PLK5: variants seen among roughly 807,000 people sequenced by gnomAD.
PLK5 encodes polo like kinase 5 (inactive), also known as inactive serine/threonine-protein kinase PLK5.
In PLK5, 28 loss-of-function variants were observed where a neutral mutation model predicts 33.7. That is an observed-to-expected ratio of 0.83 (90% CI 0.62 to 1.14). The LOEUF (loss-of-function observed/expected upper bound fraction) is 1.14, where lower values mean the gene tolerates loss of function less well. PLK5 is among the 50% of genes most tolerant of loss of function. The pLI, the probability that PLK5 is intolerant of heterozygous loss-of-function variation, is 0.00. For synonymous variants in PLK5, 225 were observed against 202.2 expected, an observed-to-expected ratio of 1.11 and a Z score of -0.96; for missense variants, 492 against 461.5, an observed-to-expected ratio of 1.07 and a Z score of -0.61.
intron 13 of PLK5, among the ~76,000 whole-genome samples, chr19:1,534,692 C>T (rs1471594707): frequency 6.6e-6 from 1 of 150,522 alleles, no homozygotes; most frequent in Admixed American, 6.6e-5. Flanking sequence ...TGGCGGGCGC[C>T]TGTAGTCCCA....
intron 3 of PLK5, among the ~76,000 whole-genome samples, 173 bp from the exon 4 acceptor site, chr19:1,526,313 C>A (rs928123085): frequency 6.6e-6 from 1 of 151,634 alleles, no homozygotes. Flanking sequence ...TCGTGCCCCC[C>A]CTCAGTGGCC....
chr19:1,535,339 TC>T lies in PLK5; in HGVS notation c.*91del. ...TCCTGTGGCTCCCCCAGAGGGGCTG[TC>T]CTGGGGGAGGGCTGGGGGGCACACG... On this transcript the variant is annotated 3_prime_UTR_variant, in exon 14 of 14. Coordinates refer to ENST00000454744, the MANE Select transcript of PLK5 (RefSeq NM_001243079.2). 1 of 1,399,796 alleles carries T rather than the reference TC, an allele frequency of 7.1e-7. No homozygotes were observed. The highest frequency in any genetic ancestry group is 9.5e-7 in the Non-Finnish European group (1 of 1,050,620). The allele number at this position is 1,399,796 out of a possible 1,614,324, so 86.7% of individuals were successfully genotyped here.
intron 9 of PLK5, 143 bp downstream of exon 9, chr19:1,529,117 C>T (rs942569347): frequency 2.9e-5 from 21 of 728,510 alleles, no homozygotes; most frequent in African/African-American, 1.4e-4. Flanking sequence ...CCCGTCCTGA[C>T]GCATCAGAGC....
intron 9 of PLK5, 103 bp from the exon 10 acceptor site, chr19:1,529,303 G>T (rs965350846): frequency 1.9e-6 from 2 of 1,045,298 alleles, no homozygotes; most frequent in East Asian, 5.2e-5. Context: ...TCTGTGTGCA[G>T]AGCACGGAGG....
At chr19:1,529,935 G>A (rs1568253675) in intron 11 of PLK5, 111 bp downstream of exon 11, 11 of 1,146,626 alleles carry the variant, frequency 9.6e-6, no homozygotes, top group Admixed American at 5.0e-5. Flanking sequence ...AGGAGTAGGG[G>A]TGAGGGAGGC....
intron 11 of PLK5, 96 bp from the exon 12 acceptor site, chr19:1,531,642 G>A (rs1599306539): frequency 7.0e-7 from 1 of 1,419,470 alleles, no homozygotes; most frequent in South Asian, 1.4e-5. Context: ...CCGTGGGAAG[G>A]GTCTCACCCA....
intron 13 of PLK5, 113 bp downstream of exon 13, chr19:1,534,154 G>T: frequency 2.2e-6 from 1 of 462,072 alleles, no homozygotes; most frequent in Non-Finnish European, 3.4e-6. Flanking sequence ...TTGCCTCCCA[G>T]GAAAAAAAAA....
At chr19:1,526,265 G>A (rs10411643) in intron 3 of PLK5, among the ~76,000 whole-genome samples, 8,279 of 151,730 alleles carry the variant, frequency 0.055, 724 homozygotes, top group African/African-American at 0.19. Context: ...TGCCAGGTGC[G>A]GGGCCGGGGC....
chr19:1,534,155 GAA>G (rs34242824), intron 13 of PLK5, 114 bp downstream of exon 13: 24,916 of 513,504 alleles, frequency 0.049, 29 homozygotes, highest in East Asian at 0.13. Flanking sequence ...TGCCTCCCAG[GAA>G]AAAAAAAAAA....
intron 12 of PLK5, among the ~76,000 whole-genome samples, chr19:1,532,172 G>A (rs1281494144): frequency 3.3e-5 from 5 of 152,144 alleles, no homozygotes; most frequent in African/African-American, 1.2e-4. Context: ...GCTTTGGGAG[G>A]CCAAGGCAGG....
rs79551414 is a variant in PLK5, at chr19:1,524,466, G to C, written c.-544+220G>C. 1.3e-5 allele frequency among the ~76,000 whole-genome samples: 2 copies of C among 152,094 alleles called. No homozygotes were observed. The highest frequency in any genetic ancestry group is 6.5e-5 in the Admixed American group (1 of 15,280). On this transcript the variant is annotated intron_variant, in intron 1 of 13. Coordinates refer to ENST00000454744, the MANE Select transcript of PLK5 (RefSeq NM_001243079.2). The surrounding 1 kb of genome is among the most constrained non-coding windows in gnomAD (Gnocchi z 4.5). ...CGTCGTGTCCGTGGGTTGCGTGTCC[G>C]GGGTGTGGGCGTGCGGCTCGGCCTC... is the stretch of plus-strand genomic sequence containing the variant.
chr19:1,529,270 C>T (rs1913852462), intron 9 of PLK5, 136 bp from the exon 10 acceptor site: 1 of 768,390 alleles, frequency 1.3e-6, no homozygotes, highest in Non-Finnish European at 2.1e-6. Flanking sequence ...TCCGAGGCTG[C>T]CTCCCAAGGG....
rs1448461062 is a variant in PLK5, at chr19:1,524,173, G to T, written c.-617G>T. 2 of 150,598 alleles carry T rather than the reference G, an allele frequency of 1.3e-5. No individual in the cohort carries two copies. The highest frequency in any genetic ancestry group is 4.8e-5 in the African/African-American group (2 of 41,282). The allele number at this position is 150,598 out of a possible 1,614,324, so 9.3% of individuals were successfully genotyped here. On this transcript the variant is annotated 5_prime_UTR_variant, in exon 1 of 14. Coordinates refer to ENST00000454744, the MANE Select transcript of PLK5 (RefSeq NM_001243079.2). The surrounding 1 kb of genome is among the most constrained non-coding windows in gnomAD (Gnocchi z 4.5). Reference sequence around the variant, plus strand: ...CGGCCGCGGCGGCGGCGCAGGAGTCGCCCCCTGGTCGCCGCCTTCCTGCGA... The same window carrying T: ...CGGCCGCGGCGGCGGCGCAGGAGTCTCCCCCTGGTCGCCGCCTTCCTGCGA...
intron 12 of PLK5, 89 bp from the exon 13 acceptor site, chr19:1,533,842 G>T: frequency 1.9e-6 from 2 of 1,078,756 alleles, no homozygotes; most frequent in Non-Finnish European, 2.7e-6. Context: ...GGCGGCGGCT[G>T]CGGGAGGTGA....
At position 1,529,532 on chromosome 19, in the gene PLK5, G is replaced by C. The variant is rs1459965187; in HGVS notation, c.490+42G>C. ...CCCAGCCCGGGGCTGCAGGTGGGGA[G>C]GGAGGAATTACAAGTGACAGGGGGA... On this transcript the variant is annotated intron_variant, in intron 10 of 13. Transcript: ENST00000454744. 3 of 1,511,400 alleles carry C rather than the reference G, an allele frequency of 2.0e-6. No homozygotes were observed. In the South Asian group the frequency reaches 3.6e-5, roughly 18 times the overall value. 93.6% of individuals were successfully genotyped at this position (1,511,400 alleles called of 1,614,324 possible). A position where few individuals can be genotyped will look rare whatever the true frequency, so the allele number is the denominator to read the frequency against.
At chr19:1,533,279 C>T (rs1294596523) in intron 12 of PLK5, among the ~76,000 whole-genome samples, 8 of 152,014 alleles carry the variant, frequency 5.3e-5, no homozygotes, top group African/African-American at 7.2e-5. Flanking sequence ...TTAGTAGAGA[C>T]GGGGTTTCTC....
intron 13 of PLK5, among the ~76,000 whole-genome samples, chr19:1,534,800 G>C (rs1914045183): frequency 1.4e-5 from 2 of 146,348 alleles, no homozygotes; most frequent in South Asian, 2.3e-4. Flanking sequence ...CTGGGTGACA[G>C]AGCAGGACTC....
Position 1,529,822 on chromosome 19 carries a change from C to G in PLK5, c.566C>G (p.Pro189Arg), listed in dbSNP as rs143475861. 39 of 1,535,368 alleles carry G rather than the reference C, an allele frequency of 2.5e-5. 3 individuals carry two copies. The Middle Eastern group carries it at 3.0e-3, about 118-fold the overall frequency. Residue 189 changes from proline to arginine, a missense_variant and splice_region_variant, in exon 11 of 14, where the codon CCG (proline) becomes CGG (arginine). Pro to Arg is a moderately radical substitution (Grantham distance 103). Transcript: ENST00000454744. The part of the protein sequence containing the change: ...HLQLCLDVGP[P>R]ATQDPLGEQQ... Reference sequence around the variant, plus strand: ...CAGCTGTGCCTGGATGTAGGCCCCCCGGGTAGGAGCCGGCCCAGCCCCCAG... The same window carrying G: ...CAGCTGTGCCTGGATGTAGGCCCCCGGGGTAGGAGCCGGCCCAGCCCCCAG...
chr19:1,526,536 G>C lies in PLK5; in HGVS notation c.-262G>C. On this transcript the variant is annotated 5_prime_UTR_variant, in exon 4 of 14. Coordinates refer to ENST00000454744, the MANE Select transcript of PLK5 (RefSeq NM_001243079.2). ...GGCAGATCCTGACGGAGCCAGAAGT[G>C]CGCGACTACCTGCGGGGCCTGGTCA... The C allele has an allele frequency of 3.4e-6, 1 of 291,370 alleles. No homozygotes were observed. The highest frequency in any genetic ancestry group is 2.7e-5 in the South Asian group (1 of 36,540). The allele number at this position is 291,370 out of a possible 1,614,324, so 18.0% of individuals were successfully genotyped here. A position where few individuals can be genotyped will look rare whatever the true frequency, so the allele number is the denominator to read the frequency against.
Sources: allele counts gnomAD v4.1 joint callset (sites outside exome capture counted in the v4.1 genomes callset), GRCh38; gene constraint gnomAD v4.1.1; non-coding constraint Gnocchi (gnomAD v3.1); transcripts MANE v1.5; gene names NCBI Gene and HGNC (gene_info 2026-07-23, HGNC 2026-07-21).